The following EIF4G1 variants were observed in gnomAD, a reference collection of about 807,000 sequenced individuals.
EIF4G1 encodes the protein EIF4-gamma.
In EIF4G1, 4 loss-of-function variants were observed where a neutral mutation model predicts 187.8. The observed-to-expected ratio is 0.02, with a 90% CI of 0.01 to 0.05. The LOEUF (loss-of-function observed/expected upper bound fraction) is 0.05. Among genes scored for constraint, EIF4G1 ranks in the 10% least tolerant of loss-of-function variants. The pLI is 1.00. For missense variants in EIF4G1, 1,647 were observed against 2,081.1 expected (o/e 0.79, Z 4.06); for synonymous variants, 844 against 781.4 (o/e 1.08, Z -1.34).
chr3:184,328,473 C>T (rs1725398896), intron 26 of EIF4G1, 158 bp from the exon 27 acceptor site: 2 of 1,024,272 alleles, frequency 2.0e-6, no homozygotes, highest in Non-Finnish European at 3.0e-6. Context: ...TGAAAACCAT[C>T]TAAGGACACA....
In EIF4G1 at chr3:184,334,977, A is replaced by T; in HGVS notation, c.*69A>T. ...TGGCCCGGCTAGCCGCCTGGACTGC[A>T]GGGGGGCGGCAGCAGCGGCGGTGGC... On this transcript the variant is annotated 3_prime_UTR_variant, in exon 33 of 33. Coordinates refer to ENST00000346169, the MANE Select transcript of EIF4G1 (RefSeq NM_198241.3). This position sits in a 1 kb window ranked among gnomAD's most constrained non-coding sequence, Gnocchi z 5.8. 6.3e-7 allele frequency: 1 copy of T among 1,598,082 alleles called. No homozygotes were observed. The highest frequency in any genetic ancestry group is 8.5e-7 in the Non-Finnish European group (1 of 1,170,684).
Position 184,335,172 on chromosome 3 carries a change from TG to T in EIF4G1, c.*268del. 1 of 456,572 alleles carries T rather than the reference TG, an allele frequency of 2.2e-6. No homozygotes were observed. The highest frequency in any genetic ancestry group is 4.0e-6 in the Non-Finnish European group (1 of 252,252). The allele number at this position is 456,572 out of a possible 1,614,324, so 28.3% of individuals were successfully genotyped here. On this transcript the variant is annotated 3_prime_UTR_variant, in exon 33 of 33. Coordinates refer to ENST00000346169, the MANE Select transcript of EIF4G1 (RefSeq NM_198241.3). Reference sequence around the variant, plus strand: ...TCTTGAAATTTGGTGTGTCTTGGGGTGGGGAGGGGCACCAACGCCTGCCCCT... The same window carrying T: ...TCTTGAAATTTGGTGTGTCTTGGGGTGGGAGGGGCACCAACGCCTGCCCCT...
Position 184,322,017 on chromosome 3 carries a change from A to G in EIF4G1, c.1433A>G (p.Lys478Arg). 6.2e-7 allele frequency: 1 copy of G among 1,614,106 alleles called. No homozygotes were observed. ...GAAGCAGGAGAAGCTGAGAGTGAGA[A>G]AGGAGGAGAGGAACTGCTCCCCCCA... ...AGEAGEAESE[K>R]GGEELLPPES... Residue 478 changes from lysine to arginine, a missense_variant, in exon 10 of 33, where the codon AAA (lysine) becomes AGA (arginine). Physicochemically the swap from Lys to Arg is conservative, Grantham distance 26 (BLOSUM62 2). Around this residue, in one of 11 missense-constraint regions of EIF4G1, gnomAD observed 522 missense variants for 485.2 expected, o/e 1.08. Transcript: ENST00000346169.
chr3:184,332,166 C>G (rs2108522499), intron 32 of EIF4G1, 80 bp downstream of exon 32: 3 of 1,595,522 alleles, frequency 1.9e-6, no homozygotes, highest in East Asian at 4.5e-5. Context: ...ATGGAAGGGT[C>G]TTAATCCAAG....
At chr3:184,324,461 G>A in intron 17 of EIF4G1, 114 bp downstream of exon 17, 8 of 1,515,136 alleles carry the variant, frequency 5.3e-6, no homozygotes, top group Non-Finnish European at 7.3e-6. Context: ...GATTTCTCTG[G>A]CTCAGGACGT....
In EIF4G1 at chr3:184,325,215, C is replaced by A; in HGVS notation, c.2857-54C>A. ...AAGGCCTGAGGAGGGGTGGGGCCTG[C>A]AGTTATAGGTGGGACATGAGAAGTT... On this transcript the variant is annotated intron_variant, in intron 18 of 32. Coordinates refer to ENST00000346169, the MANE Select transcript of EIF4G1 (RefSeq NM_198241.3). The surrounding 1 kb of genome is among the most constrained non-coding windows in gnomAD (Gnocchi z 5.2). 3 of 1,606,252 alleles carry A rather than the reference C, an allele frequency of 1.9e-6. No individual in the cohort carries two copies. Among genetic ancestry groups the A allele is most frequent in the Non-Finnish European group, 2.6e-6 (3 of 1,173,000 alleles).
chr3:184,334,063 G>GT lies in EIF4G1; in HGVS notation c.4619-663dup, dbSNP rs571184462. Among the ~76,000 whole-genome samples, 440 of 152,292 alleles carry GT rather than the reference G, an allele frequency of 2.9e-3. 1 individual carries two copies. Among genetic ancestry groups the GT allele is most frequent in the Non-Finnish European group, 4.2e-3 (286 of 68,028 alleles). On this transcript the variant is annotated intron_variant, in intron 32 of 32. Coordinates refer to ENST00000346169, the MANE Select transcript of EIF4G1 (RefSeq NM_198241.3). The surrounding 1 kb of genome is among the most constrained non-coding windows in gnomAD (Gnocchi z 5.8). ...TGTAAGGTTTGGTTTGGAAAGACTG[G>GT]TGGTGCCTTGTGGGCACTGGGGTCG...
At chr3:184,320,872 A>G (rs1309511445) in intron 8 of EIF4G1, 55 bp from the exon 9 acceptor site, 1 of 1,612,356 alleles carries the variant, frequency 6.2e-7, no homozygotes, top group Non-Finnish European at 8.5e-7. Flanking sequence ...GGCTCTAGTA[A>G]AGAAGGGTTG....
Position 184,332,011 on chromosome 3 carries a change from C to G in EIF4G1, c.4543C>G (p.Leu1515Val). The change falls in exon 32 of 33, where the codon CTG becomes GTG. Residue 1515 changes from leucine to valine, a missense_variant. Around this residue, in one of 11 missense-constraint regions of EIF4G1, gnomAD observed 543 missense variants for 638.0 expected, o/e 0.85. Coordinates refer to ENST00000346169, the MANE Select transcript of EIF4G1 (RefSeq NM_198241.3). ...GCGAGCGAAGCTGCTGCAGAAATAC[C>G]TGTGTGACGAGCAGAAGGAGCTACA... ...KARAKLLQKY[L>V]CDEQKELQAL... 3.1e-6 allele frequency: 5 copies of G among 1,614,206 alleles called. No individual in the cohort carries two copies. The highest frequency in any genetic ancestry group is 4.2e-6 in the Non-Finnish European group (5 of 1,180,048).
intron 32 of EIF4G1, 120 bp downstream of exon 32, chr3:184,332,206 G>A: frequency 7.4e-7 from 1 of 1,348,444 alleles, no homozygotes; most frequent in East Asian, 2.4e-5. Context: ...AGAGCAAAAT[G>A]CCCTCTGGGT....
rs754898674 is a variant in EIF4G1 at position 184,331,357 on chromosome 3, C to A, written c.4253C>A (p.Ala1418Asp). ...GGCCAGGACATTGGTGCATTCGTCG[C>A]TGAACAGGTTTGGGGATGGAGTTGG... ...PEGQDIGAFV[A>D]EQKVEYTLGE... Residue 1418 changes from alanine to aspartate, a missense_variant, in exon 29 of 33, where the codon GCT becomes GAT. Physicochemically the swap from Ala to Asp is moderately radical, Grantham distance 126. This residue lies in a region of EIF4G1 where 543 missense variants were observed against 638.0 expected (regional missense o/e 0.85). Coordinates refer to ENST00000346169, the MANE Select transcript of EIF4G1 (RefSeq NM_198241.3). 6.2e-7 allele frequency: 1 copy of A among 1,614,216 alleles called. No individual in the cohort carries two copies. Among genetic ancestry groups the A allele is most frequent in the Non-Finnish European group, 8.5e-7 (1 of 1,180,042 alleles).
rs1329101036 is a variant in EIF4G1, at chr3:184,321,532, A to G, written c.948A>G (p.Glu316=). The change falls in exon 10 of 33, where the codon GAA becomes GAG. Residue 316 remains glutamate (E), a synonymous_variant. Coordinates refer to ENST00000346169, the MANE Select transcript of EIF4G1 (RefSeq NM_198241.3). ...ETGEPYRLSP[E]PTPLAEPILE... ...GGGAGCCATATCGCCTCTCTCCAGA[A>G]CCCACTCCTCTCGCCGAACCCATAC... 6.2e-7 allele frequency: 1 copy of G among 1,614,124 alleles called. No individual in the cohort carries two copies. The highest frequency in any genetic ancestry group is 1.7e-5 in the Admixed American group (1 of 60,016).
In EIF4G1 at chr3:184,323,372, C is replaced by G; in HGVS notation, c.2089-36C>G. On this transcript the variant is annotated intron_variant, in intron 14 of 32. Coordinates refer to ENST00000346169, the MANE Select transcript of EIF4G1 (RefSeq NM_198241.3). The surrounding 1 kb of genome is among the most constrained non-coding windows in gnomAD (Gnocchi z 6.9). ...GTGTCACATATTGTGCTGACTAGTT[C>G]CATGTCCCCTCTTGTCTTCATCCCT... is the stretch of plus-strand genomic sequence containing the variant. 6.2e-7 allele frequency: 1 copy of G among 1,613,710 alleles called. No individual in the cohort carries two copies. The highest frequency in any genetic ancestry group is 2.2e-5 in the East Asian group (1 of 44,866).
At position 184,321,682 on chromosome 3, in the gene EIF4G1, A is replaced by G. The variant is rs1560213585; in HGVS notation, c.1098A>G (p.Pro366=). The G allele has an allele frequency of 3.1e-6, 5 of 1,595,564 alleles. No homozygotes were observed. Among genetic ancestry groups the G allele is most frequent in the East Asian group, 4.5e-5 (2 of 44,672 alleles). The change falls in exon 10 of 33, where the codon CCA becomes CCG. Residue 366 remains proline, a synonymous_variant. Transcript: ENST00000346169. ...VEIHEPNGMV[P]SEDLEPEVES... is the part of the protein sequence containing the mutation. ...TTCATGAGCCTAATGGCATGGTCCC[A>G]TCTGAAGATCTGGAACCAGAGGTGG... is the stretch of plus-strand genomic sequence containing the variant.
chr3:184,326,418 C>G (rs1355154762), intron 21 of EIF4G1, 109 bp from the exon 22 acceptor site: 2 of 1,150,360 alleles, frequency 1.7e-6, no homozygotes, highest in Non-Finnish European at 2.6e-6. Flanking sequence ...AAAAGATTTT[C>G]TGACCCCTGG....
In EIF4G1 at chr3:184,323,710, A is replaced by G; in HGVS notation, c.2275-70A>G. On this transcript the variant is annotated intron_variant, in intron 15 of 32. Coordinates refer to ENST00000346169, the MANE Select transcript of EIF4G1 (RefSeq NM_198241.3). The surrounding 1 kb of genome is among the most constrained non-coding windows in gnomAD (Gnocchi z 6.9). ...CATCTGTCATGCCTAAGTCCCCACC[A>G]CCCTCTCCTGTCCCTCCCAACAGCC... 1 of 1,609,838 alleles carries G rather than the reference A, an allele frequency of 6.2e-7. No homozygotes were observed. The highest frequency in any genetic ancestry group is 8.5e-7 in the Non-Finnish European group (1 of 1,178,480).
chr3:184,314,756 ACCCTGCGCCGCCGC>A (rs925019437), intron 1 of EIF4G1, 82 bp downstream of exon 1: 3 of 104,550 alleles, frequency 2.9e-5, no homozygotes, highest in African/African-American at 7.3e-5. Context: ...GGGACCGGCC[ACCCTGCGCCGCCGC>A]CCCGGCGCCC....
intron 28 of EIF4G1, 66 bp downstream of exon 28, chr3:184,329,056 T>C (rs943463895): frequency 1.9e-5 from 30 of 1,566,886 alleles, no homozygotes; most frequent in Non-Finnish European, 2.6e-5. Flanking sequence ...GCTGTGGCCC[T>C]GAAGCTTCAT....
chr3:184,325,439 C>T lies in EIF4G1; in HGVS notation c.2962-41C>T. On this transcript the variant is annotated intron_variant, in intron 19 of 32. Transcript: ENST00000346169. The surrounding 1 kb of genome is among the most constrained non-coding windows in gnomAD (Gnocchi z 5.2). The stretch of plus-strand genomic sequence containing the variant: ...CAGTTTCTGACACTGCCTTGTCTTG[C>T]CTTCCCTGACATCATCGTGACTGGC... The T allele has an allele frequency of 6.2e-7, 1 of 1,614,158 alleles. No individual in the cohort carries two copies. The highest frequency in any genetic ancestry group is 8.5e-7 in the Non-Finnish European group (1 of 1,180,030).
Sources: allele counts gnomAD v4.1 joint callset (sites outside exome capture counted in the v4.1 genomes callset), GRCh38; gene constraint gnomAD v4.1.1; regional missense constraint gnomAD v4.1.1; non-coding constraint Gnocchi (gnomAD v3.1); transcripts MANE v1.5; gene names NCBI Gene and HGNC (gene_info 2026-07-23, HGNC 2026-07-21).